The following LCOR variants were observed in gnomAD, a reference collection of about 807,000 sequenced individuals.
The protein encoded by LCOR is ligand-dependent corepressor.
LCOR carries 14 observed loss-of-function variants against 64.4 expected under a neutral mutation model. That is an observed-to-expected ratio of 0.22 (90% confidence interval 0.14 to 0.34). The LOEUF is 0.34. LCOR is among the 10% of genes least tolerant of loss of function. The probability of loss-of-function intolerance (pLI) is 1.00; values close to 1 mark genes in which losing one functional copy is unlikely to be tolerated. For synonymous variants in LCOR, 643 were observed against 642.5 expected, an observed-to-expected ratio of 1.00 and a Z score of -0.01; for missense variants, 1,686 against 1,765.3, an observed-to-expected ratio of 0.96 and a Z score of 0.80.
intron 7 of LCOR, chr10:96,958,388 A>G (rs1405932169): frequency 2.6e-6 from 4 of 1,527,394 alleles, no homozygotes; most frequent in Non-Finnish European, 2.6e-6. Flanking sequence ...TTACTAACAT[A>G]AATATTTTCT....
chr10:96,901,113 C>T (rs1384711572), intron 2 of LCOR, among the ~76,000 whole-genome samples: 4 of 151,994 alleles, frequency 2.6e-5, no homozygotes, highest in Admixed American at 6.5e-5. Flanking sequence ...GGCATGAACC[C>T]GGGAGGCGGA....
intron 7 of LCOR, chr10:96,957,740 C>G: frequency 1.0e-6 from 1 of 985,376 alleles, no homozygotes; most frequent in Non-Finnish European, 1.2e-6. Flanking sequence ...CCTGTGTGTT[C>G]AAAGGTTAGG....
intron 3 of LCOR, 85 bp from the exon 4 acceptor site, chr10:96,907,583 G>A (rs894896573): frequency 5.5e-6 from 3 of 545,622 alleles, no homozygotes; most frequent in South Asian, 1.6e-4. Flanking sequence ...TTAGTTTTTT[G>A]TTAAACAATA....
At chr10:96,876,237 G>A (rs1846162011) in intron 2 of LCOR, among the ~76,000 whole-genome samples, 1 of 152,188 alleles carries the variant, frequency 6.6e-6, no homozygotes, top group Admixed American at 6.5e-5. Context: ...GGCACCTCAT[G>A]GGAGAGAGCA....
At chr10:96,848,055 AGTT>A (rs1194004365) in intron 2 of LCOR, among the ~76,000 whole-genome samples, 2 of 152,218 alleles carry the variant, frequency 1.3e-5, no homozygotes, top group East Asian at 1.9e-4. Context: ...AACCATATGA[AGTT>A]GTTTAGGTAA....
At chr10:96,857,153 T>G (rs1845819918) in intron 2 of LCOR, among the ~76,000 whole-genome samples, 1 of 152,160 alleles carries the variant, frequency 6.6e-6, no homozygotes, top group Admixed American at 6.6e-5. Context: ...TGTAGTTATT[T>G]CTATCTCACA....
intron 4 of LCOR, among the ~76,000 whole-genome samples, chr10:96,922,357 C>T (rs529507209): frequency 6.6e-6 from 1 of 152,172 alleles, no homozygotes; most frequent in Non-Finnish European, 1.5e-5. Flanking sequence ...AAGGAATTTA[C>T]AGTCTGTTGG....
chr10:96,935,921 T>C (rs573178376), intron 4 of LCOR, among the ~76,000 whole-genome samples: 1 of 152,338 alleles, frequency 6.6e-6, no homozygotes, highest in African/African-American at 2.4e-5. Context: ...TTGAAAATGA[T>C]GAAGATCTGT....
chr10:96,876,932 T>G (rs1846175474), intron 2 of LCOR, among the ~76,000 whole-genome samples: 1 of 152,140 alleles, frequency 6.6e-6, no homozygotes, highest in African/African-American at 2.4e-5. Flanking sequence ...TGACCTCAGG[T>G]GATCCACCTG....
chr10:96,841,299 A>G (rs957510664), intron 2 of LCOR, among the ~76,000 whole-genome samples: 7 of 152,042 alleles, frequency 4.6e-5, no homozygotes, highest in African/African-American at 1.7e-4. Context: ...CAGAAAATGT[A>G]TTAATGGTAT....
chr10:96,918,066 T>C (rs182807522), intron 4 of LCOR, among the ~76,000 whole-genome samples: 1 of 152,330 alleles, frequency 6.6e-6, no homozygotes, highest in African/African-American at 2.4e-5. Context: ...AGAGGGTTTC[T>C]GAAAACATGA....
At chr10:96,942,422 G>A (rs1363609506) in intron 4 of LCOR, among the ~76,000 whole-genome samples, 2 of 151,784 alleles carry the variant, frequency 1.3e-5, no homozygotes, top group South Asian at 2.1e-4. Flanking sequence ...CGGCATCAGA[G>A]GGAGACCGTG....
chr10:96,924,676 A>G (rs141604642), intron 4 of LCOR, among the ~76,000 whole-genome samples: 18 of 151,910 alleles, frequency 1.2e-4, no homozygotes, highest in Middle Eastern at 3.4e-3. Context: ...TTATTTAGTC[A>G]TTTTTGTTCT....
At chr10:96,955,972 A>G (rs760704380) in intron 7 of LCOR, 4 of 1,554,732 alleles carry the variant, frequency 2.6e-6, no homozygotes, top group Admixed American at 2.0e-5. Flanking sequence ...GCACTACTGC[A>G]TCATTGTTCA....
chr10:96,933,762 C>T (rs1847303252), intron 4 of LCOR, among the ~76,000 whole-genome samples: 1 of 152,176 alleles, frequency 6.6e-6, no homozygotes, highest in African/African-American at 2.4e-5. Flanking sequence ...TCGTGATACA[C>T]CCGCCTCAGT....
chr10:96,834,593 G>C (rs966300270), intron 2 of LCOR, among the ~76,000 whole-genome samples: 1 of 152,144 alleles, frequency 6.6e-6, no homozygotes, highest in Non-Finnish European at 1.5e-5. Flanking sequence ...TTGTGGGTTA[G>C]TATCAAATGC....
At chr10:96,917,155 CA>C (rs1211544707) in intron 4 of LCOR, among the ~76,000 whole-genome samples, 1 of 151,972 alleles carries the variant, frequency 6.6e-6, no homozygotes, top group Non-Finnish European at 1.5e-5. Flanking sequence ...GAGTTGTTTG[CA>C]AAAAACACAG....
rs758098414 is a variant in LCOR at position 96,990,799 on chromosome 10, C to G, written c.*5665C>G. Reference sequence around the variant, plus strand: ...TGATGCTCAGTGCTCAGGAGATGTCCTTTGCTCCATCCTTCAGAGGGGCAG... The same window carrying G: ...TGATGCTCAGTGCTCAGGAGATGTCGTTTGCTCCATCCTTCAGAGGGGCAG... On this transcript the variant is annotated 3_prime_UTR_variant, in exon 8 of 8. Coordinates refer to ENST00000421806, the MANE Select transcript of LCOR (RefSeq NM_001346516.2). 3 of 152,140 alleles carry G rather than the reference C, an allele frequency of 2.0e-5. No individual in the cohort carries two copies. The highest frequency in any genetic ancestry group is 4.4e-5 in the Non-Finnish European group (3 of 68,044). The allele number at this position is 152,140 out of a possible 1,614,324, so 9.4% of individuals were successfully genotyped here. A position where few individuals can be genotyped will look rare whatever the true frequency, so the allele number is the denominator to read the frequency against.
chr10:96,844,341 G>T (rs949188963), intron 2 of LCOR, among the ~76,000 whole-genome samples: 1 of 151,564 alleles, frequency 6.6e-6, no homozygotes. Flanking sequence ...TGTAAAGACG[G>T]GGTCTTGCTT....
Sources: gnomAD v4.1 joint callset for allele counts (sites outside exome capture counted in the v4.1 genomes callset) on GRCh38, gnomAD v4.1.1 for gene constraint, MANE v1.5 for transcripts, NCBI Gene and HGNC (gene_info 2026-07-23, HGNC 2026-07-21) for gene names.